TTC7A: variants seen among roughly 807,000 people sequenced by gnomAD.
The protein encoded by TTC7A is tetratricopeptide repeat protein 7A.
TTC7A carries 110 observed loss-of-function variants against 103.7 expected under a neutral mutation model. That is an observed-to-expected ratio of 1.06 (90% CI 0.91 to 1.24). The LOEUF (loss-of-function observed/expected upper bound fraction) is 1.24. Among genes scored for constraint, TTC7A ranks in the 50% most tolerant of loss-of-function variants. TTC7A has a pLI of 0.00. For synonymous variants in TTC7A, 521 were observed against 467.9 expected, an observed-to-expected ratio of 1.11 and a Z score of -1.47; for missense variants, 1,340 against 1,116.3, an observed-to-expected ratio of 1.20 and a Z score of -2.86.
At chr2:46,933,403 C>T (rs998228338) in intron 2 of TTC7A, among the ~76,000 whole-genome samples, 1 of 152,226 alleles carries the variant, frequency 6.6e-6, no homozygotes, top group Non-Finnish European at 1.5e-5. Flanking sequence ...TACTGAGTGT[C>T]TACTATGTGC....
intron 14 of TTC7A, 23 bp downstream of exon 14, chr2:47,024,382 C>T: frequency 1.3e-6 from 2 of 1,593,916 alleles, no homozygotes; most frequent in African/African-American, 1.4e-5. Context: ...TGTTCCTAAC[C>T]CCCGGGTCCT....
At chr2:46,971,453 G>T (rs1673347327) in intron 3 of TTC7A, among the ~76,000 whole-genome samples, 1 of 152,154 alleles carries the variant, frequency 6.6e-6, no homozygotes, top group Non-Finnish European at 1.5e-5. Flanking sequence ...GATATGGCAG[G>T]TAAGGTGAGG....
In TTC7A at chr2:46,941,443, C is replaced by T; in HGVS notation, c.-99C>T. The T allele has an allele frequency of 7.5e-7, 1 of 1,333,462 alleles. No homozygotes were observed. Among genetic ancestry groups the T allele is most frequent in the Non-Finnish European group, 9.8e-7 (1 of 1,025,150 alleles). 82.6% of individuals were successfully genotyped at this position (1,333,462 alleles called of 1,614,324 possible). Reference sequence around the variant, plus strand: ...CCGGGCCCCGGCTGCCGTCTGCGCCCCCGTCGACCCCGCCCGCGAGTGCGC... The same window carrying T: ...CCGGGCCCCGGCTGCCGTCTGCGCCTCCGTCGACCCCGCCCGCGAGTGCGC... On this transcript the variant is annotated 5_prime_UTR_variant, in exon 1 of 20. Transcript: ENST00000319190. The surrounding 1 kb of genome is among the most constrained non-coding windows in gnomAD (Gnocchi z 4.2).
Position 47,073,969 on chromosome 2 carries a change from C to G in TTC7A, c.*46C>G, listed in dbSNP as rs770421915. ...GGGAGGGGCTGGCCAGAGGGAGAGGCAGCAGGGAACGTGGGTCAGGGTGGG... is the reference window on the plus strand; with the variant it reads ...GGGAGGGGCTGGCCAGAGGGAGAGGGAGCAGGGAACGTGGGTCAGGGTGGG... On this transcript the variant is annotated 3_prime_UTR_variant, in exon 20 of 20. Transcript: ENST00000319190. The G allele has an allele frequency of 6.5e-6, 10 of 1,531,158 alleles. No homozygotes were observed. The African/African-American group carries it at 6.9e-5, about 10-fold the overall frequency. 94.8% of individuals were successfully genotyped at this position (1,531,158 alleles called of 1,614,324 possible).
intron 17 of TTC7A, among the ~76,000 whole-genome samples, chr2:47,051,127 C>G (rs1305164219): frequency 6.6e-6 from 1 of 152,188 alleles, no homozygotes; most frequent in East Asian, 1.9e-4. Context: ...GGGTACCTTT[C>G]TACAAACAAA....
intron 15 of TTC7A, among the ~76,000 whole-genome samples, chr2:47,041,080 C>G (rs1430396711): frequency 6.6e-6 from 1 of 152,176 alleles, no homozygotes; most frequent in Non-Finnish European, 1.5e-5. Flanking sequence ...GATGGAGGCC[C>G]TCCACCCCCA....
At chr2:47,026,948 G>C (rs952519003) in intron 14 of TTC7A, among the ~76,000 whole-genome samples, 1 of 152,190 alleles carries the variant, frequency 6.6e-6, no homozygotes, top group Non-Finnish European at 1.5e-5. Flanking sequence ...TTATCTGTCA[G>C]CCACACATCA....
chr2:47,023,554 C>A, intron 13 of TTC7A, 89 bp downstream of exon 13: 2 of 1,317,942 alleles, frequency 1.5e-6, no homozygotes, highest in Non-Finnish European at 2.2e-6. Flanking sequence ...CTGATGTGGG[C>A]AGAACAAACA....
chr2:46,993,619 GGTGGCAGTAGGTCTCCTGCCTGCTT>G (rs1417678436), intron 6 of TTC7A, 91 bp downstream of exon 6: 32 of 1,175,684 alleles, frequency 2.7e-5, no homozygotes, highest in Non-Finnish European at 2.7e-5. Context: ...GTGAAGCAGG[GGTGGCAGTAGGTCTCCTGCCTGCTT>G]GTGGCAGAGG....
At position 46,944,374 on chromosome 2, in the gene TTC7A, G is replaced by GTTTT. The variant is rs34191565; in HGVS notation, c.184+2669_184+2672dup. ...TTAAATAAGAACTCTGGTATTTTGGGTTTTTTTTTTTTTTTTTTTTTTTGA... is the reference window on the plus strand; with the variant it reads ...TTAAATAAGAACTCTGGTATTTTGGGTTTTTTTTTTTTTTTTTTTTTTTTTTTGA... On this transcript the variant is annotated intron_variant, in intron 1 of 19. Transcript: ENST00000319190. Among the ~76,000 whole-genome samples the GTTTT allele has an allele frequency of 1.5e-3, 132 of 88,936 alleles. 1 individual carries two copies. Among genetic ancestry groups the GTTTT allele is most frequent in the African/African-American group, 2.9e-3 (65 of 22,206 alleles). 58.3% of individuals were successfully genotyped at this position (88,936 alleles called of 152,430 possible).
intron 5 of TTC7A, among the ~76,000 whole-genome samples, chr2:46,986,390 C>T (rs1032223174): frequency 5.3e-5 from 8 of 152,194 alleles, no homozygotes; most frequent in Non-Finnish European, 1.0e-4. Context: ...CTGCTATGGG[C>T]CAGATGCCCC....
intron 11 of TTC7A, among the ~76,000 whole-genome samples, chr2:47,013,485 G>C (rs1678295553): frequency 6.6e-6 from 1 of 152,156 alleles, no homozygotes; most frequent in Admixed American, 6.5e-5. Context: ...GCTCATCTCT[G>C]AGATGAAACC....
chr2:47,070,923 CCT>C (rs1370853878), intron 19 of TTC7A, among the ~76,000 whole-genome samples: 9 of 152,314 alleles, frequency 5.9e-5, no homozygotes, highest in African/African-American at 2.2e-4. Context: ...AAACTGGAAG[CCT>C]CTCAGCAGAT....
chr2:46,984,183 C>G (rs970529814), intron 5 of TTC7A, among the ~76,000 whole-genome samples: 3 of 152,220 alleles, frequency 2.0e-5, no homozygotes, highest in Non-Finnish European at 4.4e-5. Flanking sequence ...GCACAGGGCC[C>G]GGCTGACTTT....
intron 11 of TTC7A, among the ~76,000 whole-genome samples, chr2:47,020,780 ATCCACTGCCCCTCTTCCTGTG>A (rs771233340): frequency 6.6e-6 from 1 of 152,204 alleles, no homozygotes; most frequent in African/African-American, 2.4e-5. Flanking sequence ...GGGAGAGAGA[ATCCACTGCCCCTCTTCCTGTG>A]TCCAGTGGTC....
chr2:47,070,341 C>T (rs1306899882), intron 19 of TTC7A, among the ~76,000 whole-genome samples: 2 of 152,234 alleles, frequency 1.3e-5, no homozygotes, highest in Admixed American at 6.5e-5. Context: ...CCTGCGTGGC[C>T]GTAAGAGGCA....
chr2:46,958,446 C>G (rs1672079879), intron 3 of TTC7A: 1 of 1,286,608 alleles, frequency 7.8e-7, no homozygotes, highest in African/African-American at 1.5e-5. Context: ...TCTCCTGAGC[C>G]TGGCTCAGGA....
chr2:47,075,535 G>T lies in TTC7A; in HGVS notation c.*1612G>T, dbSNP rs1685150507. On this transcript the variant is annotated 3_prime_UTR_variant, in exon 20 of 20. Coordinates refer to ENST00000319190, the MANE Select transcript of TTC7A (RefSeq NM_020458.4). ...ACAGTGACTTTGCAGGTTGAATAAA[G>T]AAACCCTTGGAGGGGAAGCAGGCTT... 2 of 152,224 alleles carry T rather than the reference G, an allele frequency of 1.3e-5. No homozygotes were observed. The highest frequency in any genetic ancestry group is 4.1e-4 in the South Asian group (2 of 4,826). The allele number at this position is 152,224 out of a possible 1,614,324, so 9.4% of individuals were successfully genotyped here.
At position 47,050,054 on chromosome 2, in the gene TTC7A, C is replaced by G; in HGVS notation, c.2017+8C>G. On this transcript the variant is annotated splice_region_variant and intron_variant, in intron 17 of 19. Coordinates refer to ENST00000319190, the MANE Select transcript of TTC7A (RefSeq NM_020458.4). ...CCCATGATGCAGACTCTGGTAAGAA[C>G]GAGCTCCTTGGGCCACTGTGTGCAT... The G allele has an allele frequency of 1.2e-6, 2 of 1,610,788 alleles. No individual in the cohort carries two copies. The highest frequency in any genetic ancestry group is 1.7e-6 in the Non-Finnish European group (2 of 1,177,134).
Sources: allele counts gnomAD v4.1 joint callset (sites outside exome capture counted in the v4.1 genomes callset), GRCh38; gene constraint gnomAD v4.1.1; non-coding constraint Gnocchi (gnomAD v3.1); transcripts MANE v1.5; gene names NCBI Gene and HGNC (gene_info 2026-07-23, HGNC 2026-07-21).